SMARCA2: variants seen among roughly 807,000 people sequenced by gnomAD.
SMARCA2 encodes the protein SWI/SNF related BAF chromatin remodeling complex subunit ATPase 2.
In SMARCA2, 61 loss-of-function variants were observed where a neutral mutation model predicts 199.8. The observed-to-expected ratio is 0.31, with a 90% confidence interval of 0.25 to 0.38. SMARCA2 has a LOEUF of 0.38. SMARCA2 is among the 10% of genes least tolerant of loss of function. The pLI, the probability that SMARCA2 is intolerant of heterozygous loss-of-function variation, is 1.00. For missense variants in SMARCA2, 1,344 were observed against 2,012.2 expected (o/e 0.67, Z 6.35); for synonymous variants, 935 against 732.0 (o/e 1.28, Z -4.48).
At position 2,170,489 on chromosome 9, in the gene SMARCA2, T is replaced by C; in HGVS notation, c.4253+17T>C. ...AGGAAACAGGTCAGGATCTGTCTTGTATTCCCCTATCTCTAAATACAGGTA... is the reference window on the plus strand; with the variant it reads ...AGGAAACAGGTCAGGATCTGTCTTGCATTCCCCTATCTCTAAATACAGGTA... On this transcript the variant is annotated intron_variant, in intron 29 of 33. Coordinates refer to ENST00000349721, the MANE Select transcript of SMARCA2 (RefSeq NM_003070.5). This position sits in a 1 kb window ranked among gnomAD's most constrained non-coding sequence, Gnocchi z 4.7. 1.9e-6 allele frequency: 3 copies of C among 1,614,086 alleles called. No individual in the cohort carries two copies. Among genetic ancestry groups the C allele is most frequent in the South Asian group, 1.1e-5 (1 of 91,064 alleles).
rs552166560 is a variant in SMARCA2, at chr9:2,192,848, A to G, written c.*109A>G. On this transcript the variant is annotated 3_prime_UTR_variant, in exon 34 of 34. Coordinates refer to ENST00000349721, the MANE Select transcript of SMARCA2 (RefSeq NM_003070.5). ...GGCACTGGGTTGTTTCTATATCATC[A>G]TCGTCTATAAACTAGCTTTAGGATA... 4.4e-5 allele frequency: 35 copies of G among 790,258 alleles called. No homozygotes were observed. In the South Asian group the frequency reaches 5.2e-4, roughly 12 times the overall value. 49.0% of individuals were successfully genotyped at this position (790,258 alleles called of 1,614,324 possible).
Position 2,161,317 on chromosome 9 carries a change from C to T in SMARCA2, c.3982-369C>T, listed in dbSNP as rs1201163916. ...CCTCGTTTTGTTTACCTTTTCCTTC[C>T]CTTACAGTAATGAGAACATTAGGGT... On this transcript the variant is annotated intron_variant, in intron 27 of 33. Transcript: ENST00000349721. The surrounding 1 kb of genome is among the most constrained non-coding windows in gnomAD (Gnocchi z 4.7). 1.3e-5 allele frequency among the ~76,000 whole-genome samples: 2 copies of T among 152,018 alleles called. No individual in the cohort carries two copies. Among genetic ancestry groups the T allele is most frequent in the Non-Finnish European group, 2.9e-5 (2 of 68,024 alleles).
At chr9:2,031,809 CT>C (rs925222727) in intron 2 of SMARCA2, among the ~76,000 whole-genome samples, 13 of 152,210 alleles carry the variant, frequency 8.5e-5, no homozygotes, top group Non-Finnish European at 1.3e-4. Context: ...GATGCCTTCA[CT>C]TTTTTCTATG....
intron 30 of SMARCA2, 107 bp downstream of exon 30, chr9:2,181,783 G>A (rs548858009): frequency 3.0e-6 from 2 of 673,830 alleles, no homozygotes; most frequent in South Asian, 3.4e-5. Flanking sequence ...GGTACCCAGG[G>A]CTCGCGACAG....
At chr9:2,065,089 G>A (rs1278690653) in intron 9 of SMARCA2, among the ~76,000 whole-genome samples, 2 of 152,182 alleles carry the variant, frequency 1.3e-5, no homozygotes, top group African/African-American at 4.8e-5. Flanking sequence ...GGAGGCTGAG[G>A]TGAGAGAATG....
At position 2,113,219 on chromosome 9, in the gene SMARCA2, C is replaced by G. The variant is rs143283474; in HGVS notation, c.3457-2603C>G. 4.7e-3 allele frequency among the ~76,000 whole-genome samples: 710 copies of G among 152,158 alleles called. 5 individuals are homozygous for G. The highest frequency in any genetic ancestry group is 0.016 in the African/African-American group (671 of 41,512). ...GGCCTTAATGTTGCTGATTGAGGAC[C>G]CTACCTAGAAGCAAAGATAGAACTC... is the stretch of plus-strand genomic sequence containing the variant. On this transcript the variant is annotated intron_variant, in intron 24 of 33. Transcript: ENST00000349721.
chr9:2,015,643 C>T (rs1255937565), intron 1 of SMARCA2, among the ~76,000 whole-genome samples: 2 of 152,188 alleles, frequency 1.3e-5, no homozygotes, highest in Admixed American at 6.5e-5. Context: ...AACGACAGCT[C>T]CCAGGCGGCG....
Position 2,039,800 on chromosome 9 carries a change from G to GCAA in SMARCA2, c.692_693insACA (p.Gln238dup), listed in dbSNP as rs1563724845. On this transcript the variant is annotated inframe_insertion, in exon 4 of 34. Transcript: ENST00000349721. This position sits in a 1 kb window ranked among gnomAD's most constrained non-coding sequence, Gnocchi z 4.8. ...AACAGCAGCAGCAGCAGCAGCAGCA[G>GCAA]CAGCAGCAGCAGCAGCAACAGCAGC... 1 of 1,605,076 alleles carries GCAA rather than the reference G, an allele frequency of 6.2e-7. No individual in the cohort carries two copies. Among genetic ancestry groups the GCAA allele is most frequent in the Non-Finnish European group, 8.5e-7 (1 of 1,175,038 alleles).
chr9:2,149,055 T>TTTC (rs1824909088), intron 27 of SMARCA2, among the ~76,000 whole-genome samples: 1 of 151,036 alleles, frequency 6.6e-6, no homozygotes, highest in African/African-American at 2.4e-5. Context: ...AACCTGCCTG[T>TTTC]ATTAGTCTGT....
chr9:2,161,821 G>A lies in SMARCA2; in HGVS notation c.4117G>A (p.Ala1373Thr), dbSNP rs148991905. 50 of 1,613,894 alleles carry A rather than the reference G, an allele frequency of 3.1e-5. No individual in the cohort carries two copies. Among genetic ancestry groups the A allele is most frequent in the Admixed American group, 1.2e-4 (7 of 59,982 alleles). Residue 1373 changes from alanine (A) to threonine (T), a missense_variant, in exon 28 of 34, where the codon GCT becomes ACT. Transcript: ENST00000349721. This position sits in a 1 kb window ranked among gnomAD's most constrained non-coding sequence, Gnocchi z 4.7. ...TAAGAAGAGAAGAGGCCGCCCTCCCGCTGAGAAACTGTCACCAAATCCCCC... is the reference window on the plus strand; with the variant it reads ...TAAGAAGAGAAGAGGCCGCCCTCCCACTGAGAAACTGTCACCAAATCCCCC... The part of the protein sequence containing the change: ...KAKKRRGRPP[A>T]EKLSPNPPKL...
At chr9:2,191,648 C>T in intron 33 of SMARCA2, 1 of 368,938 alleles carries the variant, frequency 2.7e-6, no homozygotes, top group South Asian at 5.2e-5. Flanking sequence ...CCAAATCAAG[C>T]TTCCCTTTCC....
intron 5 of SMARCA2, among the ~76,000 whole-genome samples, chr9:2,049,206 T>A (rs1820013364): frequency 6.6e-6 from 1 of 152,232 alleles, no homozygotes; most frequent in African/African-American, 2.4e-5. Context: ...CTGGTATGTG[T>A]GTGTGCACAA....
intron 1 of SMARCA2, among the ~76,000 whole-genome samples, chr9:2,018,774 A>G (rs1016669382): frequency 9.2e-5 from 14 of 152,166 alleles, no homozygotes; most frequent in Admixed American, 8.5e-4. Context: ...GCCATACCCA[A>G]TGTTATGTGT....
chr9:2,018,779 ATG>A (rs1481624506), intron 1 of SMARCA2, among the ~76,000 whole-genome samples: 2 of 152,210 alleles, frequency 1.3e-5, no homozygotes, highest in Non-Finnish European at 2.9e-5. Flanking sequence ...ACCCAATGTT[ATG>A]TGTGTGTATA....
intron 29 of SMARCA2, among the ~76,000 whole-genome samples, chr9:2,176,727 AT>A (rs71491991): frequency 1.4e-4 from 20 of 147,552 alleles, no homozygotes; most frequent in Admixed American, 6.7e-4. Flanking sequence ...TAAGTTTTGT[AT>A]TTTTTTTTTT....
At position 2,137,896 on chromosome 9, in the gene SMARCA2, A is replaced by G. The variant is rs565970277; in HGVS notation, c.3981+13959A>G. ...TTTTGTAACTAAGATGAGTCAAGGT[A>G]GAAATTGTCATTCTCTCCTGTTAGA... On this transcript the variant is annotated intron_variant, in intron 27 of 33. Transcript: ENST00000349721. Among the ~76,000 whole-genome samples, 4 of 152,364 alleles carry G rather than the reference A, an allele frequency of 2.6e-5. No homozygotes were observed. The South Asian group carries it at 8.3e-4, about 32-fold the overall frequency.
rs1170214789 is a variant in SMARCA2 at position 2,123,979 on chromosome 9, T to G, written c.3981+42T>G. On this transcript the variant is annotated intron_variant, in intron 27 of 33. Transcript: ENST00000349721. The surrounding 1 kb of genome is among the most constrained non-coding windows in gnomAD (Gnocchi z 4.1). The stretch of plus-strand genomic sequence containing the variant: ...TAACCCGCTCTCACTAGGTGGAGGG[T>G]TTTTGGTGGCTTGGAGAAACCAGGG... 24 of 1,495,146 alleles carry G rather than the reference T, an allele frequency of 1.6e-5. No individual in the cohort carries two copies. The highest frequency in any genetic ancestry group is 2.2e-5 in the Non-Finnish European group (24 of 1,098,002). 92.6% of individuals were successfully genotyped at this position (1,495,146 alleles called of 1,614,324 possible).
intron 4 of SMARCA2, chr9:2,042,044 A>G (rs1819628814): frequency 6.6e-6 from 1 of 152,180 alleles, no homozygotes; most frequent in Non-Finnish European, 1.5e-5. Flanking sequence ...AAAAAGGCTC[A>G]TGACAAGGAA....
chr9:2,045,598 A>G (rs1819801813), intron 4 of SMARCA2: 1 of 152,206 alleles, frequency 6.6e-6, no homozygotes, highest in African/African-American at 2.4e-5. Context: ...AGGACCTTTT[A>G]TACAGGAAAA....
Sources: gnomAD v4.1 joint callset for allele counts (sites outside exome capture counted in the v4.1 genomes callset) on GRCh38, gnomAD v4.1.1 for gene constraint, Gnocchi (gnomAD v3.1) non-coding constraint, MANE v1.5 for transcripts, NCBI Gene and HGNC (gene_info 2026-07-23, HGNC 2026-07-21) for gene names.